TFDP2: variants seen among roughly 807,000 people sequenced by gnomAD.
The protein encoded by TFDP2 is transcription factor Dp-2.
In TFDP2, 17 loss-of-function variants were observed where a neutral mutation model predicts 59.3. The observed-to-expected ratio is 0.29, with a 90% CI of 0.20 to 0.43. TFDP2 has a LOEUF of 0.43. Among genes scored for constraint, TFDP2 ranks in the 20% least tolerant of loss-of-function variants. The pLI is 1.00. For missense variants in TFDP2, 391 were observed against 528.8 expected (o/e 0.74, Z 2.56); for synonymous variants, 180 against 194.7 (o/e 0.92, Z 0.63).
chr3:142,055,279 A>C (rs530640917), intron 3 of TFDP2, among the ~76,000 whole-genome samples: 1 of 152,074 alleles, frequency 6.6e-6, no homozygotes, highest in African/African-American at 2.4e-5. Flanking sequence ...ATAGGTTCAG[A>C]TATTTGGTAT....
chr3:142,130,508 CTTTTAAG>C (rs2062459445), intron 1 of TFDP2, among the ~76,000 whole-genome samples: 1 of 147,754 alleles, frequency 6.8e-6, no homozygotes, highest in Non-Finnish European at 1.5e-5. Context: ...TTTTTTTATA[CTTTTAAG>C]TTTTAGGGTA....
At chr3:141,961,246 T>G (rs1377879916) in intron 10 of TFDP2, among the ~76,000 whole-genome samples, 1 of 142,656 alleles carries the variant, frequency 7.0e-6, no homozygotes, top group East Asian at 2.0e-4. Flanking sequence ...TGTTTTTTTT[T>G]TTTTTTTTTT....
chr3:141,987,292 TGTGTG>T (rs200713861), intron 6 of TFDP2, among the ~76,000 whole-genome samples: 3 of 151,280 alleles, frequency 2.0e-5, no homozygotes, highest in Non-Finnish European at 2.9e-5. Context: ...TGTGTGTGTG[TGTGTG>T]TTTTAGCCAG....
At chr3:142,028,405 C>A (rs1434141434) in intron 3 of TFDP2, among the ~76,000 whole-genome samples, 2 of 150,154 alleles carry the variant, frequency 1.3e-5, no homozygotes, top group South Asian at 4.3e-4. Context: ...CCTCCCCCCC[C>A]ACCCCAACCC....
At chr3:142,108,629 G>A (rs949856102) in intron 1 of TFDP2, among the ~76,000 whole-genome samples, 2 of 151,952 alleles carry the variant, frequency 1.3e-5, no homozygotes, top group Non-Finnish European at 2.9e-5. Context: ...CCTTTACATC[G>A]TTATACTGTG....
At position 142,130,818 on chromosome 3, in the gene TFDP2, G is replaced by A. The variant is rs529777194; in HGVS notation, c.-93+18365C>T. 1.1e-4 allele frequency among the ~76,000 whole-genome samples: 17 copies of A among 152,066 alleles called. 1 individual carries two copies. Among genetic ancestry groups the A allele is most frequent in the South Asian group, 2.1e-4 (1 of 4,818 alleles). ...TGTAATCCCAGCACTTTGGGAGGCC[G>A]AAGGGGATGGCTCACCTGAGGTCAG... is the stretch of plus-strand genomic sequence containing the variant. On this transcript the variant is annotated intron_variant, in intron 1 of 12. Transcript: ENST00000489671.
intron 6 of TFDP2, among the ~76,000 whole-genome samples, chr3:141,987,853 C>T (rs1203356365): frequency 5.3e-5 from 8 of 150,122 alleles, no homozygotes; most frequent in African/African-American, 2.0e-4. Context: ...GCAGGAGAAT[C>T]GCTTAAACTC....
chr3:142,106,662 C>T (rs1218739822), intron 1 of TFDP2, among the ~76,000 whole-genome samples: 1 of 152,182 alleles, frequency 6.6e-6, no homozygotes, highest in Non-Finnish European at 1.5e-5. Context: ...TTCCTGTCAC[C>T]AAGCTCTTCT....
chr3:142,016,695 A>C (rs1477104129), intron 3 of TFDP2, among the ~76,000 whole-genome samples: 4 of 152,222 alleles, frequency 2.6e-5, no homozygotes, highest in African/African-American at 9.6e-5. Context: ...CTGTCCCTTC[A>C]TAGTATTAAA....
chr3:141,991,569 G>A (rs1166843299), intron 6 of TFDP2, among the ~76,000 whole-genome samples: 3 of 152,150 alleles, frequency 2.0e-5, no homozygotes, highest in Non-Finnish European at 4.4e-5. Context: ...GACCAGCCTG[G>A]CCACATGGTG....
chr3:142,087,149 G>A (rs987999672), intron 3 of TFDP2, among the ~76,000 whole-genome samples: 1 of 152,238 alleles, frequency 6.6e-6, no homozygotes, highest in African/African-American at 2.4e-5. Flanking sequence ...TACAAGGGTT[G>A]TAAGAGTTCT....
intron 1 of TFDP2, among the ~76,000 whole-genome samples, chr3:142,108,326 C>T (rs904406115): frequency 6.6e-6 from 1 of 152,008 alleles, no homozygotes; most frequent in African/African-American, 2.4e-5. Flanking sequence ...TCTTCTGCCT[C>T]AGCCTCCCAA....
intron 6 of TFDP2, among the ~76,000 whole-genome samples, chr3:141,985,340 G>A (rs1941965628): frequency 1.3e-5 from 2 of 151,878 alleles, no homozygotes; most frequent in South Asian, 4.2e-4. Context: ...ACCAGGCTGG[G>A]CAACATAGTG....
chr3:142,113,451 G>A (rs111837301), intron 1 of TFDP2, among the ~76,000 whole-genome samples: 12,936 of 151,900 alleles, frequency 0.085, 689 homozygotes, highest in Middle Eastern at 0.14. Flanking sequence ...TAGTAGAGAC[G>A]GGGTTCCACC....
chr3:142,081,931 A>T (rs1356394554), intron 3 of TFDP2, among the ~76,000 whole-genome samples: 2 of 152,190 alleles, frequency 1.3e-5, no homozygotes, highest in Non-Finnish European at 2.9e-5. Context: ...TCTTACTCAA[A>T]CTATTCCAAA....
intron 9 of TFDP2, among the ~76,000 whole-genome samples, chr3:141,967,675 G>T (rs1035952870): frequency 1.3e-5 from 2 of 152,158 alleles, no homozygotes; most frequent in African/African-American, 2.4e-5. Flanking sequence ...TGTTTAGAGA[G>T]ACCTGTTTCT....
chr3:141,960,059 T>C (rs543932151), intron 10 of TFDP2, among the ~76,000 whole-genome samples: 10 of 152,306 alleles, frequency 6.6e-5, no homozygotes, highest in African/African-American at 1.9e-4. Flanking sequence ...TGACAGATGA[T>C]AGAAACCCAC....
intron 1 of TFDP2, among the ~76,000 whole-genome samples, chr3:142,117,964 G>A (rs960779192): frequency 4.6e-5 from 7 of 152,116 alleles, no homozygotes; most frequent in African/African-American, 1.7e-4. Context: ...CGGGTGTGGT[G>A]GCATGCGCCT....
chr3:142,031,933 A>C (rs1043335370), intron 3 of TFDP2, among the ~76,000 whole-genome samples: 1 of 91,502 alleles, frequency 1.1e-5, no homozygotes, highest in African/African-American at 2.8e-5. Context: ...TTTTCAAGTA[A>C]AATATTGAAT....
Sources: allele counts gnomAD v4.1 joint callset (sites outside exome capture counted in the v4.1 genomes callset), GRCh38; gene constraint gnomAD v4.1.1; transcripts MANE v1.5; gene names NCBI Gene and HGNC (gene_info 2026-07-23, HGNC 2026-07-21).